DNAJC6: variants seen among roughly 807,000 people sequenced by gnomAD.
DNAJC6 encodes the protein auxilin.
A neutral mutation model predicts 110.0 loss-of-function variants in DNAJC6; 34 were observed. That is an observed-to-expected ratio of 0.31 (90% confidence interval 0.24 to 0.41). The LOEUF (loss-of-function observed/expected upper bound fraction) is 0.41, where lower values mean the gene tolerates loss of function less well. DNAJC6 is among the 10% of genes least tolerant of loss of function. The pLI is 1.00. For missense variants in DNAJC6, 1,031 were observed against 1,207.8 expected (o/e 0.85, Z 2.17); for synonymous variants, 406 against 437.2 (o/e 0.93, Z 0.89).
intron 1 of DNAJC6, among the ~76,000 whole-genome samples, chr1:65,304,204 A>G (rs1645016086): frequency 6.6e-6 from 1 of 152,164 alleles, no homozygotes. Context: ...AAAGAAAAAA[A>G]AAAAGCCCTA....
At chr1:65,288,806 A>C (rs1424155521) in intron 1 of DNAJC6, among the ~76,000 whole-genome samples, 1 of 152,164 alleles carries the variant, frequency 6.6e-6, no homozygotes, top group Non-Finnish European at 1.5e-5. Flanking sequence ...TATTTTGCCC[A>C]AATTTATGTT....
In DNAJC6 at chr1:65,389,318, A is replaced by T. The variant is rs1645901991; in HGVS notation, c.1256A>T (p.Asp419Val). The T allele has an allele frequency of 3.7e-6, 6 of 1,614,164 alleles. No homozygotes were observed. The highest frequency in any genetic ancestry group is 4.2e-6 in the Non-Finnish European group (5 of 1,180,004). ...CCTCAGCTATTTCAGGTGACACTGG[A>T]TGTAGAACTACAGCCCCATGACAAA... ...KYPQLFQVTL[D>V]VELQPHDKVI... Residue 419 changes from aspartate (D) to valine (V), a missense_variant, in exon 10 of 19, where the codon GAT (aspartate) becomes GTT (valine). By Grantham distance (152) the Asp-to-Val change is radical (BLOSUM62 -3). Transcript: ENST00000371069.
intron 1 of DNAJC6, among the ~76,000 whole-genome samples, chr1:65,332,271 A>G (rs992929060): frequency 3.3e-5 from 5 of 152,172 alleles, no homozygotes; most frequent in Admixed American, 2.6e-4. Context: ...TGTAGACTAC[A>G]GGAAGGGGCA....
chr1:65,339,067 G>A (rs1244291442), intron 1 of DNAJC6, among the ~76,000 whole-genome samples: 1 of 152,152 alleles, frequency 6.6e-6, no homozygotes, highest in African/African-American at 2.4e-5. Flanking sequence ...GCAGCTTGAT[G>A]TCAGACATTA....
chr1:65,413,086 CT>C lies in DNAJC6; in HGVS notation c.*62del, dbSNP rs1570394347. ...CTAATGCTTAGTGTGTGTCACAATTCTGAGGTTTTCGCAGATGAACCAAAAA... is the reference window on the plus strand; with the variant it reads ...CTAATGCTTAGTGTGTGTCACAATTCGAGGTTTTCGCAGATGAACCAAAAA... On this transcript the variant is annotated 3_prime_UTR_variant, in exon 19 of 19. Coordinates refer to ENST00000371069, the MANE Select transcript of DNAJC6 (RefSeq NM_001256864.2). 1 of 1,498,006 alleles carries C rather than the reference CT, an allele frequency of 6.7e-7. No individual in the cohort carries two copies. Among genetic ancestry groups the C allele is most frequent in the East Asian group, 2.3e-5 (1 of 43,972 alleles). 92.8% of individuals were successfully genotyped at this position (1,498,006 alleles called of 1,614,324 possible).
intron 1 of DNAJC6, among the ~76,000 whole-genome samples, chr1:65,271,148 A>G (rs1416452863): frequency 2.7e-5 from 4 of 148,790 alleles, no homozygotes; most frequent in Non-Finnish European, 5.9e-5. Flanking sequence ...CGATAACTGT[A>G]TATATTTATG....
In DNAJC6 at chr1:65,398,866, T is replaced by C; in HGVS notation, c.2092T>C (p.Trp698Arg). 4.3e-6 allele frequency: 7 copies of C among 1,614,104 alleles called. No homozygotes were observed. Among genetic ancestry groups the C allele is most frequent in the Non-Finnish European group, 5.9e-6 (7 of 1,179,970 alleles). The part of the protein sequence containing the change: ...IQPDVSGGWD[W>R]HAKPGGFGMG... ...GCCAGATGTTTCTGGAGGTTGGGAC[T>C]GGCATGCTAAACCAGGTAAAAGCAG... Residue 698 changes from tryptophan to arginine, a missense_variant, in exon 14 of 19, where the codon TGG (tryptophan) becomes CGG (arginine). By Grantham distance (101) the Trp-to-Arg change is moderately radical. Transcript: ENST00000371069.
At chr1:65,342,942 G>A (rs1347663241) in intron 1 of DNAJC6, among the ~76,000 whole-genome samples, 1 of 152,150 alleles carries the variant, frequency 6.6e-6, no homozygotes, top group Non-Finnish European at 1.5e-5. Flanking sequence ...AGCTCTTCTT[G>A]TGCATTCTCA....
chr1:65,380,890 G>GTTTTTTTTGTTTTGTTTTTTT (rs1557551919), intron 5 of DNAJC6, among the ~76,000 whole-genome samples: 4 of 118,786 alleles, frequency 3.4e-5, no homozygotes, highest in African/African-American at 1.6e-4. Flanking sequence ...GGGGGAGGGA[G>GTTTTTTTTGTTTTGTTTTTTT]TTTTTTTTTT....
Position 65,385,888 on chromosome 1 carries a change from C to T in DNAJC6, c.977C>T (p.Thr326Ile). ...GAAACCAAAATATATTCGACTTGCA[C>T]AGATTTTGAACGAATGAAGTAAGTC... Reference protein sequence around the residue: ...IGETKIYSTCTDFERMKEYRV... With the variant: ...IGETKIYSTCIDFERMKEYRV... Residue 326 changes from threonine to isoleucine, a missense_variant, in exon 7 of 19, where the codon ACA (threonine) becomes ATA (isoleucine). Transcript: ENST00000371069. The T allele has an allele frequency of 6.2e-7, 1 of 1,608,008 alleles. No individual in the cohort carries two copies. The highest frequency in any genetic ancestry group is 1.3e-5 in the African/African-American group (1 of 75,004).
intron 15 of DNAJC6, among the ~76,000 whole-genome samples, chr1:65,404,762 T>C (rs1047985312): frequency 6.6e-6 from 1 of 152,190 alleles, no homozygotes; most frequent in East Asian, 1.9e-4. Context: ...AATTAAGGAT[T>C]ACTGAGTGCA....
At chr1:65,374,541 A>G (rs1645741247) in intron 4 of DNAJC6, among the ~76,000 whole-genome samples, 3 of 151,768 alleles carry the variant, frequency 2.0e-5, no homozygotes, top group Admixed American at 2.0e-4. Flanking sequence ...TTTTGTAGCT[A>G]TTGGAAATGG....
rs1222955343 is a variant in DNAJC6 at position 65,415,246 on chromosome 1, T to C, written c.*2221T>C. 2 of 152,228 alleles carry C rather than the reference T, an allele frequency of 1.3e-5. No individual in the cohort carries two copies. The highest frequency in any genetic ancestry group is 2.9e-5 in the Non-Finnish European group (2 of 68,042). The allele number at this position is 152,228 out of a possible 1,614,324, so 9.4% of individuals were successfully genotyped here. ...AACAAAATGTGATTGGTCTAAAATA[T>C]TTGTAATGTATATTAAAAGGTTCAA... On this transcript the variant is annotated 3_prime_UTR_variant, in exon 19 of 19. Transcript: ENST00000371069.
At chr1:65,407,746 C>T (rs936406940) in intron 16 of DNAJC6, among the ~76,000 whole-genome samples, 5 of 152,124 alleles carry the variant, frequency 3.3e-5, no homozygotes, top group Non-Finnish European at 5.9e-5. Flanking sequence ...GAGGATGCAG[C>T]AGGGAACAAG....
At chr1:65,350,527 T>C (rs1645480827) in intron 1 of DNAJC6, among the ~76,000 whole-genome samples, 1 of 152,240 alleles carries the variant, frequency 6.6e-6, no homozygotes, top group African/African-American at 2.4e-5. Flanking sequence ...TGTAGTTTTA[T>C]TGTATGATAA....
chr1:65,283,070 T>C (rs1288423920), intron 1 of DNAJC6, among the ~76,000 whole-genome samples: 1 of 152,244 alleles, frequency 6.6e-6, no homozygotes, highest in Non-Finnish European at 1.5e-5. Context: ...CCCTGAATGT[T>C]CACATCTTAT....
In DNAJC6 at chr1:65,414,495, T is replaced by G. The variant is rs893119561; in HGVS notation, c.*1470T>G. On this transcript the variant is annotated 3_prime_UTR_variant, in exon 19 of 19. Transcript: ENST00000371069. ...AAAAGTTGTTTTGAAAAGACAATCA[T>G]TTTTTGTTTTTGTTTTAACTTTCTT... 1.8e-4 allele frequency: 28 copies of G among 152,754 alleles called. No homozygotes were observed. Among genetic ancestry groups the G allele is most frequent in the Middle Eastern group, 3.4e-3 (1 of 294 alleles). The allele number at this position is 152,754 out of a possible 1,614,324, so 9.5% of individuals were successfully genotyped here.
At position 65,394,885 on chromosome 1, in the gene DNAJC6, C is replaced by T. The variant is rs2101617974; in HGVS notation, c.1904-13C>T. On this transcript the variant is annotated splice_polypyrimidine_tract_variant and intron_variant, in intron 12 of 18. Transcript: ENST00000371069. ...CATGGGACAAATAAATATATTTTCCCATTGTTTTCTAGGTGCCACCTTTGA... is the reference window on the plus strand; with the variant it reads ...CATGGGACAAATAAATATATTTTCCTATTGTTTTCTAGGTGCCACCTTTGA... The T allele has an allele frequency of 6.3e-7, 1 of 1,574,812 alleles. No individual in the cohort carries two copies. Among genetic ancestry groups the T allele is most frequent in the Non-Finnish European group, 8.6e-7 (1 of 1,165,674 alleles).
intron 5 of DNAJC6, among the ~76,000 whole-genome samples, chr1:65,382,357 G>A (rs928344169): frequency 6.6e-6 from 1 of 152,086 alleles, no homozygotes; most frequent in African/African-American, 2.4e-5. Context: ...TCCAAAGGTA[G>A]GTGATTAATG....
Sources: allele counts gnomAD v4.1 joint callset (sites outside exome capture counted in the v4.1 genomes callset), GRCh38; gene constraint gnomAD v4.1.1; transcripts MANE v1.5; gene names NCBI Gene and HGNC (gene_info 2026-07-23, HGNC 2026-07-21).